The following FBXL13 variants were observed in gnomAD, a reference collection of about 807,000 sequenced individuals.
FBXL13 encodes F-box and leucine rich repeat protein 13.
In FBXL13, 67 loss-of-function variants were observed where a neutral mutation model predicts 83.6. The observed-to-expected ratio is 0.80, with a 90% confidence interval of 0.66 to 0.98. FBXL13 has a LOEUF of 0.98. FBXL13 is among the 50% of genes least tolerant of loss of function. The pLI is 0.00. For synonymous variants in FBXL13, 272 were observed against 299.5 expected (o/e 0.91, Z 0.95); for missense variants, 822 against 866.5 (o/e 0.95, Z 0.64).
rs1257100872 is a variant in FBXL13 at position 103,055,256 on chromosome 7, T to C, written c.-1+388A>G. The C allele has an allele frequency of 5.2e-6, 4 of 772,736 alleles. No homozygotes were observed. The East Asian group carries it at 2.2e-4, about 42-fold the overall frequency. The allele number at this position is 772,736 out of a possible 1,614,324, so 47.9% of individuals were successfully genotyped here. A position where few individuals can be genotyped will look rare whatever the true frequency, so the allele number is the denominator to read the frequency against. ...TCCGTAATTAAATCAGTGATTCTTG[T>C]AGGTGGAATGAAAGGGAGGAGAAGG... On this transcript the variant is annotated intron_variant, in intron 2 of 19. Transcript: ENST00000313221.
At chr7:103,013,428 C>A (rs1230470599) in intron 6 of FBXL13, among the ~76,000 whole-genome samples, 2 of 152,080 alleles carry the variant, frequency 1.3e-5, no homozygotes, top group East Asian at 1.9e-4. Flanking sequence ...CAAAATCATA[C>A]CAACCAAGCT....
chr7:102,954,497 C>A (rs1823935071), intron 8 of FBXL13, among the ~76,000 whole-genome samples: 1 of 152,104 alleles, frequency 6.6e-6, no homozygotes, highest in Non-Finnish European at 1.5e-5. Flanking sequence ...ACAGGCAAAA[C>A]AAACAGCAAA....
intron 6 of FBXL13, among the ~76,000 whole-genome samples, chr7:102,990,363 G>A (rs1829435371): frequency 6.6e-6 from 1 of 152,204 alleles, no homozygotes; most frequent in African/African-American, 2.4e-5. Flanking sequence ...TACTGAAAAA[G>A]CAAGACAAGA....
intron 1 of FBXL13, among the ~76,000 whole-genome samples, chr7:103,064,691 A>G (rs1798230545): frequency 6.6e-6 from 1 of 152,204 alleles, no homozygotes; most frequent in Non-Finnish European, 1.5e-5. Context: ...ACCTCCCATC[A>G]TGAAATGGGT....
chr7:103,045,008 T>C (rs115826791), intron 2 of FBXL13, among the ~76,000 whole-genome samples: 108 of 152,370 alleles, frequency 7.1e-4, no homozygotes, highest in African/African-American at 2.5e-3. Flanking sequence ...TAAAGGAATT[T>C]AATTGAGCAA....
At chr7:102,994,087 CA>C (rs962461540) in intron 6 of FBXL13, among the ~76,000 whole-genome samples, 6 of 152,096 alleles carry the variant, frequency 3.9e-5, no homozygotes, top group East Asian at 1.9e-4. Flanking sequence ...ATTAACTTTG[CA>C]AATCTATTAT....
chr7:102,816,666 G>T (rs2129444915), intron 19 of FBXL13, among the ~76,000 whole-genome samples: 1 of 152,216 alleles, frequency 6.6e-6, no homozygotes, highest in South Asian at 2.1e-4. Context: ...TTGTTATGTG[G>T]GTATATTACA....
At chr7:103,063,138 T>C (rs1798079404) in intron 1 of FBXL13, among the ~76,000 whole-genome samples, 1 of 152,178 alleles carries the variant, frequency 6.6e-6, no homozygotes, top group South Asian at 2.1e-4. Flanking sequence ...GCAAGAATAG[T>C]ATAACGGAGT....
At chr7:102,932,661 G>C (rs1181165100) in intron 8 of FBXL13, among the ~76,000 whole-genome samples, 1 of 76,540 alleles carries the variant, frequency 1.3e-5, no homozygotes, top group Non-Finnish European at 3.0e-5. Context: ...GTGGCACCAT[G>C]TTGGCTCACT....
In FBXL13 at chr7:103,042,803, A is replaced by G. The variant is rs1286649625; in HGVS notation, c.-1+12841T>C. Among the ~76,000 whole-genome samples the G allele has an allele frequency of 2.0e-5, 3 of 152,282 alleles. No homozygotes were observed. The East Asian group carries it at 5.8e-4, about 29-fold the overall frequency. On this transcript the variant is annotated intron_variant, in intron 2 of 19. Coordinates refer to ENST00000313221, the Ensembl canonical transcript of FBXL13. ...TGAAACTGGATCCCTTCCTTACACC[A>G]TATACAAAAATTAACTCAAGATGCA...
At chr7:103,071,180 A>G (rs1243249957) in intron 1 of FBXL13, among the ~76,000 whole-genome samples, 3 of 152,166 alleles carry the variant, frequency 2.0e-5, no homozygotes, top group Non-Finnish European at 4.4e-5. Context: ...AAAGCAGAAG[A>G]GATCAAAAGA....
rs1348685975 is a variant in FBXL13 at position 102,915,449 on chromosome 7, A to C, written c.879-2234T>G. ...GGATACTTATCTCCAAGAGTGGTGC[A>C]TACAATAATTCCAAGAGTTTGAAGG... On this transcript the variant is annotated intron_variant, in intron 10 of 19. Coordinates refer to ENST00000313221, the Ensembl canonical transcript of FBXL13. Among the ~76,000 whole-genome samples the C allele has an allele frequency of 3.9e-5, 6 of 152,062 alleles. No individual in the cohort carries two copies. The East Asian group carries it at 9.6e-4, about 24-fold the overall frequency.
rs1797569656 is a variant in FBXL13 at position 102,813,378 on chromosome 7, T to C, written c.2172A>G (p.Lys724=). ...GGTCTTCACTGCTGTATGTTGACTT[T>C]TTCACTGTTAATTCTAAGGCTCCTT... Residue 724 remains lysine (K), a synonymous_variant, in exon 20 of 20, where the codon AAA becomes AAG. Coordinates refer to ENST00000313221, the Ensembl canonical transcript of FBXL13. The C allele has an allele frequency of 4.3e-6, 7 of 1,613,972 alleles. No homozygotes were observed. The East Asian group carries it at 1.6e-4, about 36-fold the overall frequency.
chr7:102,865,862 A>G (rs2129454875), intron 16 of FBXL13, among the ~76,000 whole-genome samples: 1 of 152,060 alleles, frequency 6.6e-6, no homozygotes, highest in East Asian at 1.9e-4. Context: ...TTTACTTTTT[A>G]AGAGACAGTG....
At chr7:102,969,227 T>C (rs1826317790) in intron 6 of FBXL13, among the ~76,000 whole-genome samples, 1 of 152,196 alleles carries the variant, frequency 6.6e-6, no homozygotes, top group Non-Finnish European at 1.5e-5. Context: ...ATTTTTACTG[T>C]ACATTTTCTA....
chr7:102,905,487 C>T (rs1372968265), intron 11 of FBXL13, among the ~76,000 whole-genome samples: 2 of 152,050 alleles, frequency 1.3e-5, no homozygotes, highest in African/African-American at 4.8e-5. Context: ...CTTTTATTTT[C>T]AGTCCATGTG....
chr7:102,931,778 T>C (rs1005089536), intron 9 of FBXL13, 103 bp downstream of exon 10: 16 of 1,104,694 alleles, frequency 1.4e-5, no homozygotes, highest in African/African-American at 1.1e-4. Flanking sequence ...CTTTTCCACA[T>C]TGAATCCCAA....
Position 102,926,306 on chromosome 7 carries a change from A to C in FBXL13, c.846T>G (p.Thr282=), listed in dbSNP as rs1378770350. ...GGAGTCGCATCGTCCTGTTGGTGAT[A>C]GTTGTGTTAGACAGATTGAGACACA... Residue 282 remains threonine, a synonymous_variant, in exon 10 of 20, where the codon ACT becomes ACG. Coordinates refer to ENST00000313221, the Ensembl canonical transcript of FBXL13. 3 of 1,613,944 alleles carry C rather than the reference A, an allele frequency of 1.9e-6. No homozygotes were observed. The Admixed American group carries it at 5.0e-5, about 27-fold the overall frequency.
At chr7:102,970,661 A>G (rs1360477587) in intron 6 of FBXL13, among the ~76,000 whole-genome samples, 1 of 152,256 alleles carries the variant, frequency 6.6e-6, no homozygotes, top group Non-Finnish European at 1.5e-5. Flanking sequence ...GTCCAACAAG[A>G]TTCAAAAGAA....
Sources: gnomAD v4.1 joint callset for allele counts (sites outside exome capture counted in the v4.1 genomes callset) on GRCh38, gnomAD v4.1.1 for gene constraint, MANE v1.5 for transcripts, NCBI Gene and HGNC (gene_info 2026-07-23, HGNC 2026-07-21) for gene names.